The following EDA variants were observed in gnomAD, a reference collection of about 807,000 sequenced individuals.
The protein encoded by EDA is ectodysplasin A.
EDA carries 2 observed loss-of-function variants against 23.6 expected under a neutral mutation model. The observed-to-expected ratio is 0.08, with a 90% CI of 0.03 to 0.27. The LOEUF is 0.27. Among genes scored for constraint, EDA ranks in the 10% least tolerant of loss-of-function variants. EDA has a pLI of 1.00. For missense variants in EDA, 229 were observed against 324.2 expected (o/e 0.71, Z 2.26); for synonymous variants, 131 against 132.0 (o/e 0.99, Z 0.05).
intron 1 of EDA, among the ~76,000 whole-genome samples, chrX:69,944,306 A>G (rs1216597803): frequency 1.8e-5 from 2 of 111,485 alleles, no homozygotes; most frequent in Non-Finnish European, 3.8e-5. Flanking sequence ...GCACAGCTGA[A>G]TCTCACACAA....
chrX:69,871,001 A>G, intron 1 of EDA, among the ~76,000 whole-genome samples: 1 of 111,511 alleles, frequency 9.0e-6, no homozygotes, highest in Middle Eastern at 4.6e-3. Context: ...CAGCTTCATT[A>G]TGTTCCTTGG....
chrX:69,930,039 G>C (rs949694788), intron 1 of EDA, among the ~76,000 whole-genome samples: 1 of 111,137 alleles, frequency 9.0e-6, no homozygotes, highest in African/African-American at 3.3e-5. Flanking sequence ...ACCTCATATG[G>C]CATTCATCCC....
intron 1 of EDA, among the ~76,000 whole-genome samples, chrX:69,690,782 A>AT (rs898141828): frequency 1.8e-5 from 2 of 111,578 alleles, no homozygotes; most frequent in Admixed American, 9.5e-5. Flanking sequence ...TTTGTGAGTA[A>AT]TTTTTTTATT....
intron 1 of EDA, among the ~76,000 whole-genome samples, chrX:69,723,122 A>C (rs2012653338): frequency 8.9e-6 from 1 of 112,088 alleles, no homozygotes; most frequent in Non-Finnish European, 1.9e-5. Context: ...CATATCTTTT[A>C]AATTGTGAAA....
At chrX:69,968,501 A>G (rs2019205509) in intron 2 of EDA, among the ~76,000 whole-genome samples, 1 of 111,775 alleles carries the variant, frequency 8.9e-6, no homozygotes, top group African/African-American at 3.3e-5. Context: ...AAATGTGACA[A>G]GAGGCCAAAA....
At chrX:69,844,668 A>G (rs1249006431) in intron 1 of EDA, among the ~76,000 whole-genome samples, 1 of 112,573 alleles carries the variant, frequency 8.9e-6, no homozygotes, top group African/African-American at 3.2e-5. Flanking sequence ...TTTGGCCATC[A>G]CTTGCATATG....
chrX:69,792,619 C>T (rs2015433941), intron 1 of EDA, among the ~76,000 whole-genome samples: 1 of 112,378 alleles, frequency 8.9e-6, no homozygotes, highest in Non-Finnish European at 1.9e-5. Context: ...TCCACCACAT[C>T]CATGCCAACA....
intron 1 of EDA, among the ~76,000 whole-genome samples, chrX:69,942,983 ACT>A (rs1323055740): frequency 1.8e-5 from 2 of 109,344 alleles, no homozygotes; most frequent in African/African-American, 6.7e-5. Context: ...CTAGTAAGAG[ACT>A]CTGATGCATT....
chrX:69,825,433 G>A (rs1174077159), intron 1 of EDA, among the ~76,000 whole-genome samples: 1 of 110,065 alleles, frequency 9.1e-6, no homozygotes, highest in East Asian at 2.9e-4. Context: ...TTGGGAGAGT[G>A]TATGTGTCGA....
chrX:69,957,094 G>A lies in EDA; in HGVS notation c.464G>A (p.Arg155His), dbSNP rs144403117. Reference protein sequence around the residue: ...PYSEEESRRVRRNKRSKSNEG... With the variant: ...PYSEEESRRVHRNKRSKSNEG... ...TCTGAAGAAGAAAGTAGGCGTGTTC[G>A]CCGCAATAAAAGAAGCAAAAGCAAT... Residue 155 changes from arginine to histidine, a missense_variant, in exon 2 of 8, where the codon CGC becomes CAC. Arg to His is a conservative substitution (Grantham distance 29). This residue lies in a region of EDA where 175 missense variants were observed against 281.8 expected (regional missense o/e 0.62). Coordinates refer to ENST00000374552, the MANE Select transcript of EDA (RefSeq NM_001399.5). The A allele has an allele frequency of 3.7e-4, 443 of 1,209,975 alleles. No homozygotes were observed. The highest frequency in any genetic ancestry group is 4.5e-4 in the Non-Finnish European group (401 of 895,030).
intron 1 of EDA, among the ~76,000 whole-genome samples, chrX:69,930,004 C>T (rs918064951): frequency 2.7e-5 from 3 of 110,914 alleles, no homozygotes; most frequent in Admixed American, 9.7e-5. Flanking sequence ...CACTTCTCTG[C>T]GGCTCCGTAG....
chrX:69,846,127 G>C (rs1326119716), intron 1 of EDA, among the ~76,000 whole-genome samples: 1 of 112,437 alleles, frequency 8.9e-6, no homozygotes, highest in African/African-American at 3.2e-5. Flanking sequence ...ATCAACGTTT[G>C]TGAAATTCAA....
chrX:69,882,047 G>A (rs767158868), intron 1 of EDA, among the ~76,000 whole-genome samples: 3 of 111,822 alleles, frequency 2.7e-5, no homozygotes, highest in Non-Finnish European at 5.6e-5. Context: ...TGGAGGGGAT[G>A]AACACCCAAA....
At chrX:69,646,288 T>A (rs1205226695) in intron 1 of EDA, among the ~76,000 whole-genome samples, 1 of 111,474 alleles carries the variant, frequency 9.0e-6, no homozygotes, top group Admixed American at 9.5e-5. Flanking sequence ...GGTGTTAAAG[T>A]TTCCCACTAT....
chrX:69,628,117 A>G (rs778356941), intron 1 of EDA, among the ~76,000 whole-genome samples: 2 of 111,885 alleles, frequency 1.8e-5, no homozygotes, highest in South Asian at 3.8e-4. Context: ...TCAAAAAGAA[A>G]TTACTTCTGA....
At chrX:69,811,135 A>G (rs757099834) in intron 1 of EDA, among the ~76,000 whole-genome samples, 6 of 112,117 alleles carry the variant, frequency 5.4e-5, no homozygotes, top group African/African-American at 1.9e-4. Context: ...TCAACTAACC[A>G]ATGGGCCCAT....
chrX:69,756,104 C>G (rs1051520174), intron 1 of EDA, among the ~76,000 whole-genome samples: 23 of 112,267 alleles, frequency 2.0e-4, no homozygotes, highest in African/African-American at 7.4e-4. Flanking sequence ...GTTGGAAATG[C>G]AGAAATCACC....
At position 69,616,359 on chromosome X, in the gene EDA, G is replaced by T; in HGVS notation, c.51G>T (p.Pro17=). Residue 17 remains proline, a synonymous_variant, in exon 1 of 8, where the codon CCG becomes CCT. Coordinates refer to ENST00000374552, the MANE Select transcript of EDA (RefSeq NM_001399.5). ...GGGAACTCCTGCCTGCAGCAGCGCC[G>T]CGGGAGCGAGGGAGCCAGGGCTGCG... ...ERRELLPAAA[P]RERGSQGCGC... is the part of the protein sequence containing the mutation. 1 of 1,206,860 alleles carries T rather than the reference G, an allele frequency of 8.3e-7. No homozygotes were observed. The highest frequency in any genetic ancestry group is 1.1e-6 in the Non-Finnish European group (1 of 894,666).
At chrX:69,909,096 T>G (rs2018219774) in intron 1 of EDA, among the ~76,000 whole-genome samples, 1 of 111,532 alleles carries the variant, frequency 9.0e-6, no homozygotes, top group South Asian at 3.8e-4. Flanking sequence ...TCCTGAAAAT[T>G]ACATCACAGA....
Sources: allele counts gnomAD v4.1 joint callset (sites outside exome capture counted in the v4.1 genomes callset), GRCh38; gene constraint gnomAD v4.1.1; regional missense constraint gnomAD v4.1.1; transcripts MANE v1.5; gene names NCBI Gene and HGNC (gene_info 2026-07-23, HGNC 2026-07-21).